RALYL: variants seen among roughly 807,000 people sequenced by gnomAD.
RALYL encodes the protein RNA-binding Raly-like protein.
Under a neutral mutation model 35.1 loss-of-function variants are expected in RALYL, and 29 were observed. The observed-to-expected ratio is 0.83, with a 90% confidence interval of 0.61 to 1.13. The LOEUF is 1.13. RALYL is among the 50% of genes most tolerant of loss of function. RALYL has a pLI of 0.00. For synonymous variants in RALYL, 120 were observed against 127.6 expected (o/e 0.94, Z 0.40); for missense variants, 359 against 360.4 (o/e 1.00, Z 0.03).
At chr8:84,278,660 C>T (rs10102787) in intron 1 of RALYL, among the ~76,000 whole-genome samples, 13,811 of 152,196 alleles carry the variant, frequency 0.091, 710 homozygotes, top group African/African-American at 0.11. Flanking sequence ...CCACAAACCT[C>T]TAGGGCAGGG....
intron 4 of RALYL, among the ~76,000 whole-genome samples, chr8:84,806,599 ATGCTC>A (rs1824670503): frequency 6.6e-6 from 1 of 152,162 alleles, no homozygotes; most frequent in African/African-American, 2.4e-5. Flanking sequence ...CGCTCAGCCA[ATGCTC>A]AAAGTGGGAA....
chr8:84,805,323 C>A (rs1824330753), intron 4 of RALYL, among the ~76,000 whole-genome samples: 1 of 152,194 alleles, frequency 6.6e-6, no homozygotes, highest in Non-Finnish European at 1.5e-5. Flanking sequence ...AACCCTGAGG[C>A]AAATTTAGAT....
At chr8:84,344,843 G>A (rs1203697135) in intron 1 of RALYL, among the ~76,000 whole-genome samples, 1 of 151,814 alleles carries the variant, frequency 6.6e-6, no homozygotes, top group Non-Finnish European at 1.5e-5. Context: ...TGTCTTCCAG[G>A]TTCATTCATG....
At chr8:84,755,774 A>T (rs1433386946) in intron 2 of RALYL, among the ~76,000 whole-genome samples, 2 of 152,022 alleles carry the variant, frequency 1.3e-5, no homozygotes, top group Admixed American at 6.6e-5. Context: ...CTAATTCTAC[A>T]ATATTGTGCC....
chr8:84,438,781 A>G (rs910944025), intron 1 of RALYL, among the ~76,000 whole-genome samples: 2 of 152,166 alleles, frequency 1.3e-5, no homozygotes, highest in African/African-American at 4.8e-5. Context: ...GTAATGGTTC[A>G]GTCTCATTCT....
At chr8:84,655,563 A>G (rs1829804193) in intron 2 of RALYL, among the ~76,000 whole-genome samples, 1 of 152,132 alleles carries the variant, frequency 6.6e-6, no homozygotes, top group South Asian at 2.1e-4. Flanking sequence ...TCCTGACCTC[A>G]AGTGATCCAC....
chr8:84,217,103 G>A (rs1436346230), intron 1 of RALYL, among the ~76,000 whole-genome samples: 1 of 152,122 alleles, frequency 6.6e-6, no homozygotes, highest in Non-Finnish European at 1.5e-5. Flanking sequence ...TAGCCTCTGA[G>A]CTTGTGCAAA....
chr8:84,769,893 A>C (rs1031093877), intron 2 of RALYL, among the ~76,000 whole-genome samples: 1 of 152,170 alleles, frequency 6.6e-6, no homozygotes, highest in Non-Finnish European at 1.5e-5. Flanking sequence ...ATAATGCTGT[A>C]ATTTACAGCC....
chr8:84,721,760 A>C (rs1372383861), intron 2 of RALYL, among the ~76,000 whole-genome samples: 1 of 152,182 alleles, frequency 6.6e-6, no homozygotes, highest in African/African-American at 2.4e-5. Context: ...TGAATCTATG[A>C]AAGTTAAGAC....
intron 2 of RALYL, among the ~76,000 whole-genome samples, chr8:84,651,553 C>T (rs1463137594): frequency 2.0e-5 from 3 of 151,890 alleles, no homozygotes; most frequent in Non-Finnish European, 4.4e-5. Context: ...AGAATAAACA[C>T]AGCATTTGAA....
At chr8:84,874,495 A>G (rs1437825964) in intron 7 of RALYL, among the ~76,000 whole-genome samples, 2 of 152,124 alleles carry the variant, frequency 1.3e-5, no homozygotes, top group Non-Finnish European at 2.9e-5. Flanking sequence ...GCTTTGTCCC[A>G]GGATTTCACT....
chr8:84,449,668 A>T (rs2133156319), intron 1 of RALYL, among the ~76,000 whole-genome samples: 1 of 152,124 alleles, frequency 6.6e-6, no homozygotes, highest in South Asian at 2.1e-4. Flanking sequence ...CATAGAATGG[A>T]TGTTTAGTAA....
chr8:84,899,080 T>C (rs1374882257), intron 8 of RALYL, among the ~76,000 whole-genome samples: 2 of 152,292 alleles, frequency 1.3e-5, no homozygotes, highest in East Asian at 3.9e-4. Context: ...TGACACACCG[T>C]GTCATGACTC....
intron 2 of RALYL, among the ~76,000 whole-genome samples, chr8:84,765,693 C>G (rs182647323): frequency 9.1e-4 from 139 of 152,078 alleles, no homozygotes; most frequent in African/African-American, 3.1e-3. Flanking sequence ...AGACTGTTTT[C>G]TTTATCTCCT....
At chr8:84,712,924 T>G (rs1842419755) in intron 2 of RALYL, among the ~76,000 whole-genome samples, 1 of 152,158 alleles carries the variant, frequency 6.6e-6, no homozygotes, top group African/African-American at 2.4e-5. Context: ...GTCTCTTCAC[T>G]CTGTTGATTA....
At chr8:84,837,479 T>G (rs535666308) in intron 4 of RALYL, among the ~76,000 whole-genome samples, 2 of 152,202 alleles carry the variant, frequency 1.3e-5, no homozygotes, top group African/African-American at 2.4e-5. Context: ...TGAGGGAAAA[T>G]AAGAAGAAAT....
intron 2 of RALYL, among the ~76,000 whole-genome samples, chr8:84,668,658 T>C (rs1218315023): frequency 6.6e-6 from 1 of 152,098 alleles, no homozygotes; most frequent in Admixed American, 6.6e-5. Context: ...TGAGACACTG[T>C]ACAAATAGAA....
intron 8 of RALYL, among the ~76,000 whole-genome samples, chr8:84,892,382 G>A (rs931264314): frequency 6.6e-6 from 1 of 152,024 alleles, no homozygotes; most frequent in Non-Finnish European, 1.5e-5. Flanking sequence ...GGCTGAGGTG[G>A]GTGAATTACC....
intron 1 of RALYL, among the ~76,000 whole-genome samples, chr8:84,400,325 G>T (rs1459065660): frequency 1.3e-5 from 2 of 152,116 alleles, no homozygotes. Flanking sequence ...TTGAGGTCAG[G>T]TGTGGAATTT....
Sources: allele counts gnomAD v4.1 joint callset (sites outside exome capture counted in the v4.1 genomes callset), GRCh38; gene constraint gnomAD v4.1.1; transcripts MANE v1.5; gene names NCBI Gene and HGNC (gene_info 2026-07-23, HGNC 2026-07-21).